Variants in PLCB1 observed in about 807,000 individuals in gnomAD.
PLCB1 encodes the protein 1-phosphatidylinositol 4,5-bisphosphate phosphodiesterase beta-1.
In PLCB1, 46 loss-of-function variants were observed where a neutral mutation model predicts 161.8. The ratio of observed to expected loss-of-function variants is 0.28; its 90% CI spans 0.22 to 0.36. The LOEUF is 0.36. Ranked by LOEUF, PLCB1 falls within the 10% of genes least tolerant of loss-of-function variation. PLCB1 has a pLI of 1.00. For synonymous variants in PLCB1, 517 were observed against 503.7 expected, an observed-to-expected ratio of 1.03 and a Z score of -0.35; for missense variants, 1,016 against 1,472.5, an observed-to-expected ratio of 0.69 and a Z score of 5.07.
intron 3 of PLCB1, among the ~76,000 whole-genome samples, chr20:8,539,630 T>TTCTTTCTTTCCG (rs1985203933): frequency 1.6e-5 from 1 of 62,952 alleles, no homozygotes; most frequent in Non-Finnish European, 2.8e-5. Context: ...CTTTCTTTCT[T>TTCTTTCTTTCCG]TCTTTCTTTC....
Position 8,648,959 on chromosome 20 carries a change from G to A in PLCB1, c.519-415G>A, listed in dbSNP as rs1989239814. On this transcript the variant is annotated intron_variant, in intron 6 of 31. Coordinates refer to ENST00000338037, the MANE Select transcript of PLCB1 (RefSeq NM_015192.4). Reference sequence around the variant, plus strand: ...CTGTCTCTAAAAAAAAAAAAAGAAAGAAAGAAAGAAAAGAAAAGAAATTAA... The same window carrying A: ...CTGTCTCTAAAAAAAAAAAAAGAAAAAAAGAAAGAAAAGAAAAGAAATTAA... 3.3e-5 allele frequency among the ~76,000 whole-genome samples: 5 copies of A among 149,816 alleles called. No homozygotes were observed. In the South Asian group the frequency reaches 1.1e-3, roughly 32 times the overall value.
intron 3 of PLCB1, among the ~76,000 whole-genome samples, chr20:8,618,683 A>G (rs777092187): frequency 6.6e-6 from 1 of 152,188 alleles, no homozygotes; most frequent in Non-Finnish European, 1.5e-5. Flanking sequence ...TGATGGATCA[A>G]TAGTAAGGCA....
intron 31 of PLCB1, among the ~76,000 whole-genome samples, chr20:8,879,195 C>A (rs1179009502): frequency 6.6e-6 from 1 of 151,916 alleles, no homozygotes; most frequent in African/African-American, 2.4e-5. Context: ...TTTTCTTTAT[C>A]CAGTCCACCA....
chr20:8,666,230 C>T (rs1246551007), intron 9 of PLCB1, among the ~76,000 whole-genome samples: 1 of 152,172 alleles, frequency 6.6e-6, no homozygotes, highest in East Asian at 1.9e-4. Context: ...GCTGCCTTTC[C>T]TTCTTGTCTC....
At chr20:8,853,674 A>G (rs189047825) in intron 31 of PLCB1, among the ~76,000 whole-genome samples, 161 of 152,338 alleles carry the variant, frequency 1.1e-3, no homozygotes, top group African/African-American at 3.7e-3. Flanking sequence ...AAAAAATGCC[A>G]GGGTTAAGGG....
chr20:8,621,804 C>T (rs751667432), intron 3 of PLCB1, among the ~76,000 whole-genome samples: 1 of 152,186 alleles, frequency 6.6e-6, no homozygotes, highest in Non-Finnish European at 1.5e-5. Flanking sequence ...TCTCCCTTTA[C>T]ACCATTTTAT....
In PLCB1 at chr20:8,628,414, CAAG is replaced by C. The variant is rs766595102; in HGVS notation, c.374_376del (p.Glu125del). The C allele has an allele frequency of 9.3e-6, 15 of 1,614,014 alleles. No individual in the cohort carries two copies. Among genetic ancestry groups the C allele is most frequent in the African/African-American group, 1.3e-5 (1 of 75,004 alleles). On this transcript the variant is annotated inframe_deletion, in exon 4 of 32. Coordinates refer to ENST00000338037, the MANE Select transcript of PLCB1 (RefSeq NM_015192.4). ...CTCCCATTTGAATCTCGTGGCTTTCCAAGAAGAAGTGGCCAAGGTATGGTGGAT... is the reference window on the plus strand; with the variant it reads ...CTCCCATTTGAATCTCGTGGCTTTCCAAGAAGTGGCCAAGGTATGGTGGAT...
intron 16 of PLCB1, among the ~76,000 whole-genome samples, chr20:8,727,069 A>G (rs1397731583): frequency 2.0e-5 from 3 of 152,242 alleles, no homozygotes; most frequent in Admixed American, 6.5e-5. Context: ...CCTAAATTAC[A>G]AAAGCATAAG....
intron 3 of PLCB1, among the ~76,000 whole-genome samples, chr20:8,569,527 C>A (rs1276328176): frequency 6.6e-6 from 1 of 152,128 alleles, no homozygotes; most frequent in Non-Finnish European, 1.5e-5. Flanking sequence ...TTCACATACA[C>A]TGACCTAATG....
intron 3 of PLCB1, among the ~76,000 whole-genome samples, chr20:8,613,979 A>G (rs1987975816): frequency 2.0e-5 from 3 of 152,128 alleles, no homozygotes; most frequent in Admixed American, 2.0e-4. Flanking sequence ...GGGTCAATAA[A>G]CACTTAAGCA....
intron 2 of PLCB1, among the ~76,000 whole-genome samples, chr20:8,210,443 A>G (rs1978761803): frequency 6.6e-6 from 1 of 152,104 alleles, no homozygotes; most frequent in African/African-American, 2.4e-5. Flanking sequence ...TTACCTTTAA[A>G]TTCATTAAAT....
chr20:8,555,241 C>T (rs955567355), intron 3 of PLCB1, among the ~76,000 whole-genome samples: 5 of 152,008 alleles, frequency 3.3e-5, no homozygotes, highest in Admixed American at 6.6e-5. Flanking sequence ...ATATTCTTAA[C>T]TCTGTATCCT....
intron 20 of PLCB1, 152 bp from the exon 21 acceptor site, chr20:8,739,109 C>G: frequency 1.6e-6 from 1 of 631,084 alleles, no homozygotes; most frequent in Non-Finnish European, 2.9e-6. Flanking sequence ...CAAGATCACG[C>G]CACTGCACTT....
At chr20:8,170,403 C>T (rs1231025233) in intron 2 of PLCB1, among the ~76,000 whole-genome samples, 1 of 151,704 alleles carries the variant, frequency 6.6e-6, no homozygotes, top group Non-Finnish European at 1.5e-5. Flanking sequence ...CTCGAGTAAT[C>T]AGTTTCATTC....
intron 2 of PLCB1, among the ~76,000 whole-genome samples, chr20:8,192,378 T>C (rs558056970): frequency 6.6e-6 from 1 of 151,992 alleles, no homozygotes; most frequent in African/African-American, 2.4e-5. Context: ...TGCTAAAAGG[T>C]GGGACTAAGA....
chr20:8,587,232 CT>C (rs1210249245), intron 3 of PLCB1, among the ~76,000 whole-genome samples: 1 of 151,606 alleles, frequency 6.6e-6, no homozygotes, highest in Non-Finnish European at 1.5e-5. Flanking sequence ...ATCTACTTAG[CT>C]TTGAGCAGTA....
At chr20:8,619,786 G>A (rs748443444) in intron 3 of PLCB1, among the ~76,000 whole-genome samples, 3 of 152,168 alleles carry the variant, frequency 2.0e-5, no homozygotes, top group Non-Finnish European at 4.4e-5. Context: ...AAATTAAAGT[G>A]CAAATGTTTA....
At position 8,433,688 on chromosome 20, in the gene PLCB1, G is replaced by C. The variant is rs961101781; in HGVS notation, c.246+62238G>C. 4.8e-5 allele frequency among the ~76,000 whole-genome samples: 7 copies of C among 146,332 alleles called. 1 individual carries two copies. The highest frequency in any genetic ancestry group is 1.6e-4 in the African/African-American group (6 of 38,586). On this transcript the variant is annotated intron_variant, in intron 3 of 31. Coordinates refer to ENST00000338037, the MANE Select transcript of PLCB1 (RefSeq NM_015192.4). ...ATAGAGTTAATGTTCAGTAAATGAC[G>C]AGTGTATCCTTCTCCTCTTCCTCCT...
rs184069987 is a variant in PLCB1 at position 8,567,517 on chromosome 20, G to A, written c.247-60777G>A. On this transcript the variant is annotated intron_variant, in intron 3 of 31. Coordinates refer to ENST00000338037, the MANE Select transcript of PLCB1 (RefSeq NM_015192.4). Reference sequence around the variant, plus strand: ...CTTGATGGAAAATCTCTCTAAAATAGTAATGGGAAAAATCTTCCCTCCAAA... The same window carrying A: ...CTTGATGGAAAATCTCTCTAAAATAATAATGGGAAAAATCTTCCCTCCAAA... 1.5e-3 allele frequency among the ~76,000 whole-genome samples: 223 copies of A among 152,194 alleles called. 2 individuals are homozygous for A. In the South Asian group the frequency reaches 0.016, roughly 11 times the overall value.
Sources: allele counts gnomAD v4.1 joint callset (sites outside exome capture counted in the v4.1 genomes callset), GRCh38; gene constraint gnomAD v4.1.1; transcripts MANE v1.5; gene names NCBI Gene and HGNC (gene_info 2026-07-23, HGNC 2026-07-21).